CORIN: variants seen among roughly 807,000 people sequenced by gnomAD.
CORIN encodes the protein atrial natriuretic peptide-converting enzyme.
CORIN carries 117 observed loss-of-function variants against 125.3 expected under a neutral mutation model. That is an observed-to-expected ratio of 0.93 (90% confidence interval 0.80 to 1.09). The LOEUF is 1.09. Ranked by LOEUF, CORIN falls within the 50% of genes least tolerant of loss-of-function variation. The pLI, the probability that CORIN is intolerant of heterozygous loss-of-function variation, is 0.00. For missense variants in CORIN, 1,253 were observed against 1,306.7 expected (o/e 0.96, Z 0.63); for synonymous variants, 450 against 466.4 (o/e 0.96, Z 0.45).
intron 12 of CORIN, among the ~76,000 whole-genome samples, chr4:47,659,074 T>A (rs956499735): frequency 6.6e-6 from 1 of 152,246 alleles, no homozygotes; most frequent in South Asian, 2.1e-4. Flanking sequence ...CAAACTCTTT[T>A]CTAACACAAG....
chr4:47,774,556 C>A (rs1292202801), intron 3 of CORIN, among the ~76,000 whole-genome samples: 1 of 152,184 alleles, frequency 6.6e-6, no homozygotes, highest in African/African-American at 2.4e-5. Flanking sequence ...ACCATCTTCT[C>A]CGCCATAAGT....
chr4:47,630,002 G>A (rs1291319948), intron 16 of CORIN, among the ~76,000 whole-genome samples: 2 of 152,264 alleles, frequency 1.3e-5, no homozygotes, highest in East Asian at 3.9e-4. Flanking sequence ...ACCCTACACA[G>A]TTCTCCCCCA....
Position 47,603,667 on chromosome 4 carries a change from T to C in CORIN, c.2542A>G (p.Arg848Gly). The change falls in exon 20 of 22, where the codon AGA becomes GGA. Residue 848 changes from arginine to glycine, a missense_variant and splice_region_variant. Arg to Gly is a moderately radical substitution (Grantham distance 125). Coordinates refer to ENST00000273857, the MANE Select transcript of CORIN (RefSeq NM_006587.4). ...ACTTTCCAAACTGCAGCATTCTCTC[T>C]CCTAAAATTATAATTCAAGAGCTAT... ...VLTVAHCFEG[R>G]ENAAVWKVVL... is the part of the protein sequence containing the mutation. 1.9e-6 allele frequency: 3 copies of C among 1,610,912 alleles called. No individual in the cohort carries two copies. Among genetic ancestry groups the C allele is most frequent in the Non-Finnish European group, 2.5e-6 (3 of 1,177,242 alleles).
intron 21 of CORIN, among the ~76,000 whole-genome samples, chr4:47,598,531 C>T (rs1178826343): frequency 6.6e-6 from 1 of 152,154 alleles, no homozygotes. Context: ...GAATCATCTC[C>T]CTTCCCCTCC....
chr4:47,748,004 G>A (rs1430407611), intron 4 of CORIN, among the ~76,000 whole-genome samples: 2 of 152,036 alleles, frequency 1.3e-5, no homozygotes, highest in Non-Finnish European at 2.9e-5. Flanking sequence ...AATACCATTA[G>A]GCCCTCCATT....
intron 19 of CORIN, among the ~76,000 whole-genome samples, chr4:47,618,777 C>T (rs1425507767): frequency 1.3e-5 from 2 of 151,106 alleles, no homozygotes; most frequent in Non-Finnish European, 2.9e-5. Context: ...CAAGATCGCG[C>T]GGCTGCACTC....
At chr4:47,835,622 C>T (rs916029859) in intron 1 of CORIN, among the ~76,000 whole-genome samples, 2 of 152,194 alleles carry the variant, frequency 1.3e-5, no homozygotes, top group African/African-American at 2.4e-5. Context: ...TTCCTGTCTG[C>T]CCCCAACAGT....
At chr4:47,671,038 A>G (rs1724735287) in intron 10 of CORIN, among the ~76,000 whole-genome samples, 1 of 152,236 alleles carries the variant, frequency 6.6e-6, no homozygotes. Flanking sequence ...GGAATACACA[A>G]ACCTTTTCAT....
Position 47,734,721 on chromosome 4 carries a change from C to T in CORIN, c.799+9681G>A, listed in dbSNP as rs529171263. ...GGACCACGGTTTCTCAAAAGCAGCA[C>T]TCCTAACATTTTAGGCCATGTAATT... On this transcript the variant is annotated intron_variant, in intron 5 of 21. Coordinates refer to ENST00000273857, the MANE Select transcript of CORIN (RefSeq NM_006587.4). Among the ~76,000 whole-genome samples, 3 of 152,270 alleles carry T rather than the reference C, an allele frequency of 2.0e-5. No individual in the cohort carries two copies. In the East Asian group the frequency reaches 5.8e-4, roughly 29 times the overall value.
intron 3 of CORIN, among the ~76,000 whole-genome samples, chr4:47,770,737 A>G (rs930082627): frequency 6.6e-6 from 1 of 152,180 alleles, no homozygotes; most frequent in Admixed American, 6.5e-5. Flanking sequence ...AGATGGATGA[A>G]CCTAGAGAAC....
At chr4:47,834,001 A>G (rs948521671) in intron 1 of CORIN, among the ~76,000 whole-genome samples, 2 of 152,206 alleles carry the variant, frequency 1.3e-5, no homozygotes, top group Non-Finnish European at 2.9e-5. Context: ...GTTCCTCAAA[A>G]AAATTAAAAA....
intron 6 of CORIN, 83 bp from the exon 7 acceptor site, chr4:47,683,921 T>C (rs1446217531): frequency 5.1e-6 from 5 of 972,546 alleles, no homozygotes; most frequent in Non-Finnish European, 6.2e-6. Context: ...AAGCCAATCA[T>C]GGAAGGGACA....
intron 10 of CORIN, among the ~76,000 whole-genome samples, chr4:47,672,677 T>C (rs936152138): frequency 2.0e-5 from 3 of 152,070 alleles, no homozygotes; most frequent in Non-Finnish European, 2.9e-5. Flanking sequence ...TGCATATCTA[T>C]AGATATGTTC....
chr4:47,779,944 G>A (rs1730467006), intron 3 of CORIN, among the ~76,000 whole-genome samples: 1 of 152,118 alleles, frequency 6.6e-6, no homozygotes, highest in African/African-American at 2.4e-5. Flanking sequence ...CAGCATCATG[G>A]TCATCATCCA....
chr4:47,691,504 G>C (rs1238210047), intron 6 of CORIN, among the ~76,000 whole-genome samples: 1 of 152,160 alleles, frequency 6.6e-6, no homozygotes, highest in East Asian at 1.9e-4. Context: ...AACGTTTCCT[G>C]AAATATGCGT....
At chr4:47,677,178 T>C (rs942865279) in intron 9 of CORIN, among the ~76,000 whole-genome samples, 1 of 152,208 alleles carries the variant, frequency 6.6e-6, no homozygotes, top group African/African-American at 2.4e-5. Flanking sequence ...GAAGTAGTTA[T>C]CACTATTCTG....
rs559069973 is a variant in CORIN at position 47,621,398 on chromosome 4, C to T, written c.2540+2173G>A. On this transcript the variant is annotated intron_variant, in intron 19 of 21. Transcript: ENST00000273857. ...GACTTCAGATGGTGCCAGCCTCTCC[C>T]TAGCTTTGGAATCTTCTAGCTGAGG... Among the ~76,000 whole-genome samples the T allele has an allele frequency of 2.6e-5, 4 of 152,242 alleles. No individual in the cohort carries two copies. In the South Asian group the frequency reaches 8.3e-4, roughly 32 times the overall value.
intron 3 of CORIN, among the ~76,000 whole-genome samples, chr4:47,777,520 ACTCGGG>A (rs1730353916): frequency 6.6e-6 from 1 of 152,078 alleles, no homozygotes; most frequent in African/African-American, 2.4e-5. Context: ...TATCCCAGCT[ACTCGGG>A]AGGCTGAGGC....
chr4:47,673,224 A>AAATAAATT (rs1553909775), intron 10 of CORIN, among the ~76,000 whole-genome samples: 3 of 129,948 alleles, frequency 2.3e-5, no homozygotes, highest in Admixed American at 1.6e-4. Flanking sequence ...ATAAATAAAT[A>AAATAAATT]AATTAGCTGG....
Sources: allele counts gnomAD v4.1 joint callset (sites outside exome capture counted in the v4.1 genomes callset), GRCh38; gene constraint gnomAD v4.1.1; transcripts MANE v1.5; gene names NCBI Gene and HGNC (gene_info 2026-07-23, HGNC 2026-07-21).